Variants in ENTREP2 observed in about 807,000 individuals in gnomAD.
ENTREP2 encodes the protein protein ENTREP2.
the ENTREP2 span, among the ~76,000 whole-genome samples, chr15:29,174,704 AAACAAC>A: frequency 7.4e-5 from 11 of 148,430 alleles, no homozygotes; most frequent in African/African-American, 2.9e-4. Flanking sequence ...AAACAAAACA[AAACAAC>A]AAAAAAAAAA....
At chr15:29,588,977 G>A in the ENTREP2 span, among the ~76,000 whole-genome samples, 19,336 of 147,722 alleles carry the variant, frequency 0.13, 1,352 homozygotes, top group Middle Eastern at 0.2. Flanking sequence ...GTGACAGAGC[G>A]AGACCTTGTC....
the ENTREP2 span, among the ~76,000 whole-genome samples, chr15:29,274,890 G>C: frequency 6.6e-6 from 1 of 152,230 alleles, no homozygotes; most frequent in Non-Finnish European, 1.5e-5. Context: ...TGAACAAAGA[G>C]AGGTAATTGT....
At chr15:29,270,691 A>G in the ENTREP2 span, among the ~76,000 whole-genome samples, 1 of 152,218 alleles carries the variant, frequency 6.6e-6, no homozygotes, top group Admixed American at 6.5e-5. Flanking sequence ...TCTCTCATCT[A>G]TGATGTGATA....
chr15:29,349,584 T>G, the ENTREP2 span, among the ~76,000 whole-genome samples: 2 of 152,180 alleles, frequency 1.3e-5, no homozygotes, highest in Non-Finnish European at 2.9e-5. Flanking sequence ...GGAAAACTTA[T>G]AGTGATAACC....
the ENTREP2 span, among the ~76,000 whole-genome samples, chr15:29,277,960 A>C: frequency 6.6e-6 from 1 of 152,228 alleles, no homozygotes; most frequent in Non-Finnish European, 1.5e-5. Context: ...AAAAAAAATA[A>C]ATTAGAGAAA....
chr15:29,424,563 C>G, the ENTREP2 span, among the ~76,000 whole-genome samples: 2 of 152,092 alleles, frequency 1.3e-5, no homozygotes, highest in South Asian at 4.1e-4. Flanking sequence ...GAAAGGAGCA[C>G]AAGAGAAGGT....
At chr15:29,586,967 G>A in the ENTREP2 span, among the ~76,000 whole-genome samples, 2 of 152,042 alleles carry the variant, frequency 1.3e-5, no homozygotes, top group African/African-American at 2.4e-5. Flanking sequence ...AGCAAATGAG[G>A]TATTATGGGA....
the ENTREP2 span, among the ~76,000 whole-genome samples, chr15:29,413,380 T>A: frequency 1.3e-5 from 2 of 152,162 alleles, no homozygotes; most frequent in African/African-American, 4.8e-5. Context: ...GATTTCTACC[T>A]CCATTTTTAT....
At chr15:29,411,603 C>T in the ENTREP2 span, among the ~76,000 whole-genome samples, 1 of 152,330 alleles carries the variant, frequency 6.6e-6, no homozygotes, top group African/African-American at 2.4e-5. Context: ...GTATTGCAAG[C>T]ATCTCCTTCC....
At chr15:29,491,050 T>C in the ENTREP2 span, among the ~76,000 whole-genome samples, 1 of 152,090 alleles carries the variant, frequency 6.6e-6, no homozygotes, top group Admixed American at 6.5e-5. Context: ...CCCGCGAGAA[T>C]TCGAGTGTGG....
the ENTREP2 span, among the ~76,000 whole-genome samples, chr15:29,228,241 C>T: frequency 1.3e-5 from 2 of 152,286 alleles, no homozygotes; most frequent in East Asian, 3.9e-4. Context: ...ATCGCTTGAA[C>T]TAGAGAGGTG....
At chr15:29,291,434 G>T in the ENTREP2 span, among the ~76,000 whole-genome samples, 1 of 152,144 alleles carries the variant, frequency 6.6e-6, no homozygotes, top group African/African-American at 2.4e-5. Context: ...GCTCTGAGGG[G>T]GTTGCCTGCA....
chr15:29,204,180 C>G, the ENTREP2 span, among the ~76,000 whole-genome samples: 1 of 152,184 alleles, frequency 6.6e-6, no homozygotes, highest in Non-Finnish European at 1.5e-5. Flanking sequence ...TTGGGAACGA[C>G]ACCGCAGAGC....
At chr15:29,526,866 C>T in the ENTREP2 span, among the ~76,000 whole-genome samples, 1 of 152,024 alleles carries the variant, frequency 6.6e-6, no homozygotes, top group Non-Finnish European at 1.5e-5. Flanking sequence ...CTCCCACTCT[C>T]CCTTCCATCA....
the ENTREP2 span, among the ~76,000 whole-genome samples, chr15:29,128,204 C>G: frequency 6.6e-6 from 1 of 152,202 alleles, no homozygotes; most frequent in Admixed American, 6.5e-5. Flanking sequence ...CACTTGGCCT[C>G]CGTGCCCTTT....
At chr15:29,298,081 A>G in the ENTREP2 span, among the ~76,000 whole-genome samples, 1 of 152,334 alleles carries the variant, frequency 6.6e-6, no homozygotes, top group East Asian at 1.9e-4. Flanking sequence ...TGACAACCGT[A>G]TAATTAAGCT....
the ENTREP2 span, among the ~76,000 whole-genome samples, chr15:29,207,594 G>T: frequency 6.6e-6 from 1 of 152,020 alleles, no homozygotes; most frequent in African/African-American, 2.4e-5. Context: ...TTTACAGAGC[G>T]CTGATTAGTG....
the ENTREP2 span, among the ~76,000 whole-genome samples, chr15:29,270,215 C>G: frequency 1.3e-5 from 2 of 152,108 alleles, no homozygotes; most frequent in Admixed American, 1.3e-4. Flanking sequence ...CATAAAAGAC[C>G]CAGAGGGCTC....
chr15:29,354,311 A>G, the ENTREP2 span, among the ~76,000 whole-genome samples: 29,740 of 152,060 alleles, frequency 0.2, 3,396 homozygotes, highest in East Asian at 0.35. Context: ...CCAGCCTTCC[A>G]GGGTCTCCAG....
Sources: allele counts gnomAD v4.1 joint callset (sites outside exome capture counted in the v4.1 genomes callset), GRCh38; gene constraint gnomAD v4.1.1; transcripts MANE v1.5; gene names NCBI Gene and HGNC (gene_info 2026-07-23, HGNC 2026-07-21).